Variants in PTPRN2 observed in about 807,000 individuals in gnomAD.
PTPRN2 encodes the protein protein tyrosine phosphatase receptor type N2.
A neutral mutation model predicts 118.8 loss-of-function variants in PTPRN2; 74 were observed. That is an observed-to-expected ratio of 0.62 (90% CI 0.52 to 0.76). PTPRN2 has a LOEUF of 0.76. PTPRN2 is among the 30% of genes least tolerant of loss of function. The pLI is 0.00. For missense variants in PTPRN2, 1,481 were observed against 1,394.4 expected (o/e 1.06, Z -0.99); for synonymous variants, 641 against 608.0 (o/e 1.05, Z -0.80).
At chr7:157,673,726 C>T (rs185788704) in intron 13 of PTPRN2, among the ~76,000 whole-genome samples, 66 of 152,236 alleles carry the variant, frequency 4.3e-4, no homozygotes, top group African/African-American at 8.9e-4. Flanking sequence ...CCCCCTCTGC[C>T]GTTGCCTTTT....
chr7:158,440,016 T>A (rs1816867583), intron 2 of PTPRN2, among the ~76,000 whole-genome samples: 1 of 152,140 alleles, frequency 6.6e-6, no homozygotes, highest in South Asian at 2.1e-4. Flanking sequence ...AGTTAGAAAA[T>A]ATCTTAATTT....
At position 158,574,902 on chromosome 7, in the gene PTPRN2, TGA is replaced by T. The variant is rs1828242952; in HGVS notation, c.112+12654_112+12655del. On this transcript the variant is annotated intron_variant, in intron 1 of 22. Coordinates refer to ENST00000389418, the MANE Select transcript of PTPRN2 (RefSeq NM_002847.5). The surrounding 1 kb of genome is among the most constrained non-coding windows in gnomAD (Gnocchi z 4.6). ...ATCCACCTAGTCCCAGCAGCAGAGG[TGA>T]GAGCCACTGATTTACACGGCAGAAC... 1.3e-5 allele frequency among the ~76,000 whole-genome samples: 2 copies of T among 149,056 alleles called. No individual in the cohort carries two copies. Among genetic ancestry groups the T allele is most frequent in the Admixed American group, 6.6e-5 (1 of 15,144 alleles).
rs1363367424 is a variant in PTPRN2, at chr7:158,333,015, A to C, written c.164-16083T>G. On this transcript the variant is annotated intron_variant, in intron 2 of 22. Transcript: ENST00000389418. ...TCACTCACACCCACACTCTCACCATAAGAGCTGAAACCTGCAGACGTCACT... is the reference window on the plus strand; with the variant it reads ...TCACTCACACCCACACTCTCACCATCAGAGCTGAAACCTGCAGACGTCACT... Among the ~76,000 whole-genome samples, 4 of 127,130 alleles carry C rather than the reference A, an allele frequency of 3.1e-5. 2 individuals carry two copies. Among genetic ancestry groups the C allele is most frequent in the Non-Finnish European group, 6.5e-5 (4 of 61,668 alleles). The allele number at this position is 127,130 out of a possible 152,430, so 83.4% of individuals were successfully genotyped here. A position where few individuals can be genotyped will look rare whatever the true frequency, so the allele number is the denominator to read the frequency against.
In PTPRN2 at chr7:157,934,877, G is replaced by A. The variant is rs75464796; in HGVS notation, c.1724-36140C>T. On this transcript the variant is annotated intron_variant, in intron 11 of 22. Coordinates refer to ENST00000389418, the MANE Select transcript of PTPRN2 (RefSeq NM_002847.5). The stretch of plus-strand genomic sequence containing the variant: ...AGATTCTCTCGGGATGGGCTGGCAC[G>A]AAAGCAGGTTTCTTTCACCCTTATG... Among the ~76,000 whole-genome samples the A allele has an allele frequency of 5.2e-3, 787 of 152,322 alleles. 4 individuals carry two copies. The highest frequency in any genetic ancestry group is 8.7e-3 in the Non-Finnish European group (593 of 68,018).
intron 16 of PTPRN2, among the ~76,000 whole-genome samples, chr7:157,595,561 A>C (rs113805479): frequency 9.4e-6 from 1 of 105,852 alleles, no homozygotes; most frequent in East Asian, 2.0e-4. Flanking sequence ...GGAAGCCTGG[A>C]GGTTAGGAAG....
intron 12 of PTPRN2, among the ~76,000 whole-genome samples, chr7:157,776,480 C>CACT (rs1803272135): frequency 6.9e-6 from 1 of 144,848 alleles, no homozygotes; most frequent in African/African-American, 2.8e-5. Context: ...TCTCCCTCTC[C>CACT]TCCTCCCTCT....
intron 11 of PTPRN2, among the ~76,000 whole-genome samples, chr7:158,052,364 TTAATTAGATTCCTC>T (rs2128897453): frequency 6.6e-6 from 1 of 152,342 alleles, no homozygotes; most frequent in African/African-American, 2.4e-5. Flanking sequence ...AGAGAAAGCC[TTAATTAGATTCCTC>T]TAGAAGCAGT....
rs760150734 is a variant in PTPRN2 at position 158,205,187 on chromosome 7, C to T, written c.364G>A (p.Ala122Thr). 2.8e-5 allele frequency: 45 copies of T among 1,613,944 alleles called. No individual in the cohort carries two copies. The highest frequency in any genetic ancestry group is 3.6e-5 in the Non-Finnish European group (42 of 1,179,900). ...CACACTTACCTGGCTGGGCTGGATG[C>T]TTCAGGACGCCTCAGGTAGGTTTTC... Reference protein sequence around the residue: ...LPKTYLRRPEASSPARPSKHS... With the variant: ...LPKTYLRRPETSSPARPSKHS... The change falls in exon 4 of 23, where the codon GCA becomes ACA. Residue 122 changes from alanine (A) to threonine (T), a missense_variant. Transcript: ENST00000389418.
chr7:158,330,761 A>C (rs1294639541), intron 2 of PTPRN2, among the ~76,000 whole-genome samples: 3 of 115,762 alleles, frequency 2.6e-5, no homozygotes, highest in South Asian at 3.4e-4. Flanking sequence ...TCTCACCATA[A>C]GAGCTGACAC....
At chr7:158,340,394 G>T (rs1202025426) in intron 2 of PTPRN2, among the ~76,000 whole-genome samples, 4 of 72,200 alleles carry the variant, frequency 5.5e-5, no homozygotes, top group Non-Finnish European at 8.8e-5. Context: ...CTCACCATAA[G>T]AGCTGACACC....
chr7:158,223,301 G>A (rs1828501801), intron 3 of PTPRN2, among the ~76,000 whole-genome samples: 1 of 152,022 alleles, frequency 6.6e-6, no homozygotes, highest in East Asian at 1.9e-4. Context: ...AGAAGGCGAG[G>A]AAACAGTTCC....
chr7:158,071,303 G>T (rs1480334467), intron 11 of PTPRN2, among the ~76,000 whole-genome samples: 1 of 120,556 alleles, frequency 8.3e-6, no homozygotes, highest in Non-Finnish European at 1.8e-5. Context: ...TGCTCGTGGT[G>T]GAGGTGCCCA....
At chr7:158,252,564 G>A (rs112902945) in intron 3 of PTPRN2, among the ~76,000 whole-genome samples, 2 of 152,086 alleles carry the variant, frequency 1.3e-5, no homozygotes, top group African/African-American at 4.8e-5. Context: ...CAAGAGACAC[G>A]TTTCTCCAAA....
intron 10 of PTPRN2, among the ~76,000 whole-genome samples, chr7:158,105,830 G>A (rs1295321954): frequency 1.3e-5 from 2 of 151,490 alleles, no homozygotes; most frequent in African/African-American, 4.9e-5. Flanking sequence ...CTTACGCCAT[G>A]CAGCCCCATC....
chr7:158,071,682 CTGGTGGAGGTGCTT>C (rs1811774745), intron 11 of PTPRN2, among the ~76,000 whole-genome samples: 1 of 39,668 alleles, frequency 2.5e-5, no homozygotes, highest in African/African-American at 1.1e-4. Flanking sequence ...GGAGGTGCTC[CTGGTGGAGGTGCTT>C]GTGGTGGAGG....
At chr7:158,400,912 GATCCTGTAAAGAAC>G (rs959527611) in intron 2 of PTPRN2, among the ~76,000 whole-genome samples, 5 of 151,458 alleles carry the variant, frequency 3.3e-5, no homozygotes, top group African/African-American at 4.9e-5. Flanking sequence ...CATTCCCCCA[GATCCTGTAAAGAAC>G]ATCCTGTAAA....
rs187421725 is a variant in PTPRN2 at position 158,565,478 on chromosome 7, G to A, written c.112+22080C>T. ...ACCTCTGCTGAGCACAAAGGTGGAC[G>A]TGTCCCCAAAATAGCAGCTTTGCTC... On this transcript the variant is annotated intron_variant, in intron 1 of 22. Coordinates refer to ENST00000389418, the MANE Select transcript of PTPRN2 (RefSeq NM_002847.5). The surrounding 1 kb of genome is among the most constrained non-coding windows in gnomAD (Gnocchi z 4.6). Among the ~76,000 whole-genome samples, 2 of 152,278 alleles carry A rather than the reference G, an allele frequency of 1.3e-5. No homozygotes were observed. Among genetic ancestry groups the A allele is most frequent in the Non-Finnish European group, 2.9e-5 (2 of 68,020 alleles).
chr7:158,032,220 C>T (rs1025980015), intron 11 of PTPRN2, among the ~76,000 whole-genome samples: 5 of 152,186 alleles, frequency 3.3e-5, no homozygotes, highest in African/African-American at 7.2e-5. Context: ...ATTATTGCTT[C>T]GCCGGGAGCA....
chr7:158,553,420 T>C (rs1826790071), intron 1 of PTPRN2, among the ~76,000 whole-genome samples: 1 of 149,198 alleles, frequency 6.7e-6, no homozygotes, highest in East Asian at 2.0e-4. Flanking sequence ...ACACACAGGC[T>C]TGGGAGTCTA....
Sources: gnomAD v4.1 joint callset for allele counts (sites outside exome capture counted in the v4.1 genomes callset) on GRCh38, gnomAD v4.1.1 for gene constraint, Gnocchi (gnomAD v3.1) non-coding constraint, MANE v1.5 for transcripts, NCBI Gene and HGNC (gene_info 2026-07-23, HGNC 2026-07-21) for gene names.